Variants in TENM2 observed in about 807,000 individuals in gnomAD.
The protein encoded by TENM2 is teneurin transmembrane protein 2.
TENM2 carries 52 observed loss-of-function variants against 245.2 expected under a neutral mutation model. The ratio of observed to expected loss-of-function variants is 0.21; its 90% confidence interval spans 0.17 to 0.27. The LOEUF (loss-of-function observed/expected upper bound fraction) is 0.27, where lower values mean the gene tolerates loss of function less well. Ranked by LOEUF, TENM2 falls within the 10% of genes least tolerant of loss-of-function variation. The pLI is 1.00. For missense variants in TENM2, 3,046 were observed against 3,666.8 expected, an observed-to-expected ratio of 0.83 and a Z score of 4.37; for synonymous variants, 1,363 against 1,438.9, an observed-to-expected ratio of 0.95 and a Z score of 1.19.
intron 2 of TENM2, among the ~76,000 whole-genome samples, chr5:167,422,058 G>T (rs1763539840): frequency 6.6e-6 from 1 of 152,148 alleles, no homozygotes; most frequent in African/African-American, 2.4e-5. Flanking sequence ...TCAAAGTGCT[G>T]GGATTACAGG....
chr5:167,604,687 A>G (rs956535873), intron 2 of TENM2, among the ~76,000 whole-genome samples: 49 of 152,318 alleles, frequency 3.2e-4, no homozygotes, highest in Non-Finnish European at 4.6e-4. Flanking sequence ...AGACACATCA[A>G]TGTGTTCCTT....
chr5:168,004,531 A>G (rs1025682289), intron 5 of TENM2, among the ~76,000 whole-genome samples: 1 of 151,694 alleles, frequency 6.6e-6, no homozygotes, highest in South Asian at 2.1e-4. Context: ...ACACACACAC[A>G]CACACACACA....
intron 27 of TENM2, among the ~76,000 whole-genome samples, chr5:168,252,337 C>T (rs545387554): frequency 6.8e-6 from 1 of 147,076 alleles, no homozygotes; most frequent in South Asian, 2.2e-4. Context: ...GTGATTGTGC[C>T]ATGGCACTCT....
At chr5:167,509,701 A>G (rs1269061922) in intron 2 of TENM2, among the ~76,000 whole-genome samples, 1 of 152,216 alleles carries the variant, frequency 6.6e-6, no homozygotes, top group Non-Finnish European at 1.5e-5. Context: ...AGCACTTACC[A>G]TGTGCCAGGA....
Position 167,671,320 on chromosome 5 carries a change from G to T in TENM2, c.503-204666G>T, listed in dbSNP as rs113885138. ...CAAGGAGTAAGCTCATATTTATTTAGCATAGTCATAAAACAGGTTAGGTAT... is the reference window on the plus strand; with the variant it reads ...CAAGGAGTAAGCTCATATTTATTTATCATAGTCATAAAACAGGTTAGGTAT... On this transcript the variant is annotated intron_variant, in intron 2 of 28. Transcript: ENST00000518659. Among the ~76,000 whole-genome samples, 62 of 152,192 alleles carry T rather than the reference G, an allele frequency of 4.1e-4. 1 individual carries two copies. The highest frequency in any genetic ancestry group is 1.4e-3 in the African/African-American group (58 of 41,548).
chr5:167,495,171 G>A (rs1768725741), intron 2 of TENM2, among the ~76,000 whole-genome samples: 1 of 151,686 alleles, frequency 6.6e-6, no homozygotes, highest in Admixed American at 6.6e-5. Flanking sequence ...AAACTAGTAA[G>A]AAATCATACT....
At chr5:167,764,463 C>G (rs185377669) in intron 2 of TENM2, among the ~76,000 whole-genome samples, 3 of 152,258 alleles carry the variant, frequency 2.0e-5, no homozygotes, top group African/African-American at 4.8e-5. Context: ...CATATCTCAC[C>G]TGGCAAATCA....
At chr5:167,572,790 T>C (rs1774361148) in intron 2 of TENM2, among the ~76,000 whole-genome samples, 1 of 152,150 alleles carries the variant, frequency 6.6e-6, no homozygotes, top group African/African-American at 2.4e-5. Context: ...TTTAAAATGG[T>C]ACAGGAAGGG....
the TENM2 span, among the ~76,000 whole-genome samples, chr5:166,995,841 A>T: frequency 1.1e-4 from 14 of 122,962 alleles, no homozygotes; most frequent in South Asian, 3.5e-3. Flanking sequence ...AAAAAAAAAA[A>T]ATTTCTGTTC....
At chr5:167,964,171 A>G (rs543508545) in intron 4 of TENM2, among the ~76,000 whole-genome samples, 56 of 152,324 alleles carry the variant, frequency 3.7e-4, no homozygotes, top group African/African-American at 1.3e-3. Context: ...GAAAGTGACA[A>G]GGTGAGAAAT....
the TENM2 span, among the ~76,000 whole-genome samples, chr5:167,174,785 A>G: frequency 1.3e-5 from 2 of 152,042 alleles, no homozygotes; most frequent in Non-Finnish European, 2.9e-5. Flanking sequence ...GATAATTACA[A>G]GTTTGTATGC....
intron 3 of TENM2, among the ~76,000 whole-genome samples, chr5:167,910,300 T>C (rs1043545321): frequency 2.6e-5 from 4 of 152,138 alleles, no homozygotes; most frequent in African/African-American, 7.2e-5. Context: ...CAATCAGAAT[T>C]GGCATGCAAG....
intron 2 of TENM2, among the ~76,000 whole-genome samples, chr5:167,419,904 T>G (rs1308863164): frequency 5.3e-5 from 8 of 152,180 alleles, no homozygotes; most frequent in Admixed American, 5.2e-4. Flanking sequence ...TCTACCAATA[T>G]AGTAAGCATT....
At chr5:168,093,456 A>T (rs1793109963) in intron 8 of TENM2, among the ~76,000 whole-genome samples, 1 of 152,242 alleles carries the variant, frequency 6.6e-6, no homozygotes, top group African/African-American at 2.4e-5. Context: ...AGGTTCTCCC[A>T]CACATTCCTA....
intron 2 of TENM2, among the ~76,000 whole-genome samples, chr5:167,813,233 T>C (rs1466521830): frequency 3.9e-5 from 6 of 152,008 alleles, no homozygotes; most frequent in Admixed American, 3.9e-4. Flanking sequence ...GGTTGTAAGA[T>C]TGTATGAGTC....
At chr5:167,742,292 C>T (rs1179173274) in intron 2 of TENM2, among the ~76,000 whole-genome samples, 3 of 150,998 alleles carry the variant, frequency 2.0e-5, no homozygotes, top group African/African-American at 7.3e-5. Context: ...GTTTTTATTC[C>T]TATAGTGCTT....
upstream of TENM2, among the ~76,000 whole-genome samples, chr5:167,280,815 ATC>A (rs1306752893): frequency 6.7e-6 from 1 of 149,340 alleles, no homozygotes; most frequent in Non-Finnish European, 1.5e-5. Context: ...TCTGTCATCT[ATC>A]TAATTTCTTT....
chr5:167,918,725 TGTTAG>T (rs1777132555), intron 3 of TENM2, among the ~76,000 whole-genome samples: 1 of 152,002 alleles, frequency 6.6e-6, no homozygotes, highest in African/African-American at 2.4e-5. Flanking sequence ...CAGCACCTCC[TGTTAG>T]GCTGACAACC....
chr5:167,515,746 A>G (rs1313298572), intron 2 of TENM2, among the ~76,000 whole-genome samples: 1 of 133,612 alleles, frequency 7.5e-6, no homozygotes, highest in Non-Finnish European at 1.6e-5. Flanking sequence ...GCTCACTGCA[A>G]GCTCCACCCT....
Sources: gnomAD v4.1 joint callset for allele counts (sites outside exome capture counted in the v4.1 genomes callset) on GRCh38, gnomAD v4.1.1 for gene constraint, MANE v1.5 for transcripts, NCBI Gene and HGNC (gene_info 2026-07-23, HGNC 2026-07-21) for gene names.